The following DAPK2 variants were observed in gnomAD, a reference collection of about 807,000 sequenced individuals.
The protein encoded by DAPK2 is death-associated protein kinase 2.
In DAPK2, 35 loss-of-function variants were observed where a neutral mutation model predicts 44.1. The observed-to-expected ratio is 0.79, with a 90% CI of 0.61 to 1.05. The LOEUF (loss-of-function observed/expected upper bound fraction) is 1.05, where lower values mean the gene tolerates loss of function less well. Among genes scored for constraint, DAPK2 ranks in the 50% least tolerant of loss-of-function variants. The probability of loss-of-function intolerance (pLI) is 0.00; values close to 1 mark genes in which losing one functional copy is unlikely to be tolerated. For synonymous variants in DAPK2, 174 were observed against 182.6 expected, an observed-to-expected ratio of 0.95 and a Z score of 0.38; for missense variants, 453 against 483.2, an observed-to-expected ratio of 0.94 and a Z score of 0.59.
At chr15:63,956,397 G>C (rs2077724319) in intron 3 of DAPK2, among the ~76,000 whole-genome samples, 1 of 151,612 alleles carries the variant, frequency 6.6e-6, no homozygotes, top group Admixed American at 6.6e-5. Context: ...GTTTTGGTAT[G>C]TTGTATTCCC....
intron 3 of DAPK2, among the ~76,000 whole-genome samples, chr15:63,957,546 C>T (rs1285309053): frequency 7.5e-6 from 1 of 132,666 alleles, no homozygotes; most frequent in Non-Finnish European, 1.6e-5. Flanking sequence ...GTGATGTTCC[C>T]CACCCCGTGT....
At chr15:63,920,383 G>A (rs1230297136) in intron 8 of DAPK2, 2 of 152,102 alleles carry the variant, frequency 1.3e-5, no homozygotes, top group African/African-American at 4.8e-5. Flanking sequence ...CTTTCTGCAT[G>A]GTGGCTCTAT....
intron 1 of DAPK2, among the ~76,000 whole-genome samples, chr15:64,005,273 A>G (rs1469353980): frequency 6.6e-6 from 1 of 151,928 alleles, no homozygotes; most frequent in Non-Finnish European, 1.5e-5. Context: ...CATCCTACCT[A>G]GATTTTCCCA....
chr15:64,032,738 C>A (rs1014643596), intron 1 of DAPK2, among the ~76,000 whole-genome samples: 1 of 152,054 alleles, frequency 6.6e-6, no homozygotes, highest in Non-Finnish European at 1.5e-5. Context: ...ATTGCTTGAA[C>A]CCAGGAGTTC....
exon 7 of DAPK2, chr15:63,925,967 A>G (rs770896225): frequency 2.5e-6 from 4 of 1,613,992 alleles, no homozygotes; most frequent in Non-Finnish European, 3.4e-6. Context: ...GAAGCTTCCG[A>G]ATAAAGTCCT....
At chr15:63,962,944 C>A (rs2077952908) in intron 3 of DAPK2, among the ~76,000 whole-genome samples, 1 of 152,242 alleles carries the variant, frequency 6.6e-6, no homozygotes, top group Admixed American at 6.5e-5. Context: ...GCCGTGCCCC[C>A]AGAGGTGGAG....
rs945517406 is a variant in DAPK2 at position 63,980,780 on chromosome 15, G to A, written c.314+2753C>T. ...TTTAATTCCCAATGCGGCCGTATTA[G>A]GCAGTGGGACCTTTAAGACGTGATT... On this transcript the variant is annotated intron_variant, in intron 2 of 10. Coordinates refer to ENST00000261891, the Ensembl canonical transcript of DAPK2. This position sits in a 1 kb window ranked among gnomAD's most constrained non-coding sequence, Gnocchi z 4.3. Among the ~76,000 whole-genome samples the A allele has an allele frequency of 1.6e-5, 2 of 128,802 alleles. No individual in the cohort carries two copies. The highest frequency in any genetic ancestry group is 2.5e-4 in the East Asian group (1 of 3,986). The allele number at this position is 128,802 out of a possible 152,430, so 84.5% of individuals were successfully genotyped here.
At chr15:64,014,855 G>A (rs1307734343) in intron 1 of DAPK2, among the ~76,000 whole-genome samples, 1 of 151,688 alleles carries the variant, frequency 6.6e-6, no homozygotes, top group African/African-American at 2.4e-5. Context: ...GGGAGGTGGA[G>A]GTTGCAGTGA....
At chr15:64,041,185 G>A (rs543341594), upstream of DAPK2, among the ~76,000 whole-genome samples, 115 of 152,276 alleles carry the variant, frequency 7.6e-4, no homozygotes, top group African/African-American at 2.7e-3. Context: ...AACCCCAAAG[G>A]AAAGATGGAC....
chr15:63,922,685 A>C, intron 8 of DAPK2: 1 of 1,472,226 alleles, frequency 6.8e-7, no homozygotes, highest in Non-Finnish European at 9.0e-7. Flanking sequence ...GTGGATGAGA[A>C]CATGCTTCTG....
chr15:64,002,802 A>G (rs2140973831), intron 1 of DAPK2, among the ~76,000 whole-genome samples: 1 of 152,328 alleles, frequency 6.6e-6, no homozygotes, highest in East Asian at 1.9e-4. Flanking sequence ...CTGATATCTC[A>G]TCTGTAAAGT....
intron 3 of DAPK2, among the ~76,000 whole-genome samples, chr15:63,954,637 T>G (rs1053156926): frequency 2.0e-5 from 3 of 152,236 alleles, no homozygotes; most frequent in African/African-American, 7.2e-5. Context: ...ATTCTGTGTC[T>G]TTTGTGGTTC....
At chr15:64,039,701 A>C (rs117406508) in intron 1 of DAPK2, among the ~76,000 whole-genome samples, 3,771 of 152,234 alleles carry the variant, frequency 0.025, 71 homozygotes, top group South Asian at 0.09. Flanking sequence ...TCCCAGGAAA[A>C]CTTCATGATG....
At chr15:63,994,616 G>A (rs1595868503) in intron 1 of DAPK2, among the ~76,000 whole-genome samples, 2 of 121,470 alleles carry the variant, frequency 1.6e-5, no homozygotes, top group African/African-American at 6.3e-5. Flanking sequence ...TTGAGACGTA[G>A]TCTCCCTCTG....
intron 1 of DAPK2, among the ~76,000 whole-genome samples, chr15:64,006,320 G>C (rs1045498234): frequency 6.6e-6 from 1 of 152,128 alleles, no homozygotes; most frequent in East Asian, 1.9e-4. Flanking sequence ...ACAGTCAGGA[G>C]GCAGAATGTC....
At chr15:64,028,523 A>G (rs2079918308) in intron 1 of DAPK2, among the ~76,000 whole-genome samples, 1 of 152,240 alleles carries the variant, frequency 6.6e-6, no homozygotes, top group Non-Finnish European at 1.5e-5. Flanking sequence ...GCTATAAAGA[A>G]CACTAATAAG....
At chr15:63,951,237 G>T (rs12324438) in intron 3 of DAPK2, among the ~76,000 whole-genome samples, 42,129 of 151,988 alleles carry the variant, frequency 0.28, 6,891 homozygotes, top group Non-Finnish European at 0.36. Flanking sequence ...TACTCAGAGG[G>T]GAAGCTACCA....
chr15:63,929,085 G>A (rs1342629098), intron 6 of DAPK2, among the ~76,000 whole-genome samples: 5 of 151,936 alleles, frequency 3.3e-5, no homozygotes, highest in African/African-American at 7.3e-5. Context: ...CTGTAATCCC[G>A]GTTACTCGGG....
intron 1 of DAPK2, among the ~76,000 whole-genome samples, chr15:64,003,342 T>C (rs2079147517): frequency 6.6e-6 from 1 of 152,182 alleles, no homozygotes; most frequent in Non-Finnish European, 1.5e-5. Context: ...GAAATTAATC[T>C]GCATTAGTGG....
Sources: gnomAD v4.1 joint callset for allele counts (sites outside exome capture counted in the v4.1 genomes callset) on GRCh38, gnomAD v4.1.1 for gene constraint, Gnocchi (gnomAD v3.1) non-coding constraint, MANE v1.5 for transcripts, NCBI Gene and HGNC (gene_info 2026-07-23, HGNC 2026-07-21) for gene names.